Variants in TTI1 observed in about 807,000 individuals in gnomAD.
TTI1 encodes TELO2 interacting protein 1, also known as TELO2-interacting protein 1 homolog.
Under a neutral mutation model 85.4 loss-of-function variants are expected in TTI1, and 52 were observed. The observed-to-expected ratio is 0.61, with a 90% CI of 0.49 to 0.77. The LOEUF is 0.77. Among genes scored for constraint, TTI1 ranks in the 30% least tolerant of loss-of-function variants. The pLI is 0.00. For synonymous variants in TTI1, 512 were observed against 503.9 expected (o/e 1.02, Z -0.22); for missense variants, 1,173 against 1,296.0 (o/e 0.91, Z 1.46).
chr20:37,996,823 G>A lies in TTI1; in HGVS notation c.2924C>T (p.Ser975Leu), dbSNP rs150253333. Residue 975 changes from serine to leucine, a missense_variant, in exon 6 of 8, where the codon TCG becomes TTG. By Grantham distance (145) the Ser-to-Leu change is moderately radical. Coordinates refer to ENST00000373447, the MANE Select transcript of TTI1 (RefSeq NM_001303457.2). ...CTGCAACTTGAAGGCCAGCGTGTGC[G>A]AGTAAACTGGTCCAGCCCTGGCACT... Reference protein sequence around the residue: ...PISARAGPVYSHTLAFKLQLA... With the variant: ...PISARAGPVYLHTLAFKLQLA... 137 of 1,613,972 alleles carry A rather than the reference G, an allele frequency of 8.5e-5. No individual in the cohort carries two copies. Among genetic ancestry groups the A allele is most frequent in the Admixed American group, 1.5e-4 (9 of 59,996 alleles).
chr20:38,000,873 T>C (rs1369223634), intron 4 of TTI1, among the ~76,000 whole-genome samples: 4 of 152,192 alleles, frequency 2.6e-5, no homozygotes, highest in Non-Finnish European at 5.9e-5. Flanking sequence ...GCTGCCTCCT[T>C]CTCAGCCTTG....
chr20:38,007,251 C>T (rs915901923), intron 2 of TTI1, among the ~76,000 whole-genome samples: 1 of 152,242 alleles, frequency 6.6e-6, no homozygotes, highest in African/African-American at 2.4e-5. Context: ...GATGGTCTCA[C>T]CTTGTATTTC....
At chr20:38,024,501 TG>T (rs1378291841) in intron 1 of TTI1, among the ~76,000 whole-genome samples, 1 of 152,098 alleles carries the variant, frequency 6.6e-6, no homozygotes, top group Non-Finnish European at 1.5e-5. Flanking sequence ...ACCCAAGCCC[TG>T]GAGCTGAAGA....
At chr20:38,006,030 G>T in intron 3 of TTI1, 167 bp downstream of exon 3, 1 of 824,808 alleles carries the variant, frequency 1.2e-6, no homozygotes. Context: ...TTTTGTAACA[G>T]AAAAGAATGG....
intron 1 of TTI1, among the ~76,000 whole-genome samples, chr20:38,030,362 T>G (rs992735849): frequency 1.3e-5 from 2 of 151,932 alleles, no homozygotes; most frequent in Non-Finnish European, 2.9e-5. Context: ...CACATACTCT[T>G]CTAGAAAAAG....
intron 7 of TTI1, chr20:37,987,194 A>G (rs1240865526): frequency 8.8e-6 from 4 of 456,740 alleles, no homozygotes; most frequent in East Asian, 6.9e-5. Flanking sequence ...CTTTGTTCCA[A>G]ACTCTGGTGT....
At chr20:38,004,021 T>C (rs926109056) in intron 3 of TTI1, among the ~76,000 whole-genome samples, 11 of 152,076 alleles carry the variant, frequency 7.2e-5, no homozygotes, top group Admixed American at 3.9e-4. Flanking sequence ...TTAGAGGAGG[T>C]TGGACCAAGT....
Position 38,029,197 on chromosome 20 carries a change from T to C in TTI1, c.-42+4207A>G, listed in dbSNP as rs571430483. On this transcript the variant is annotated intron_variant, in intron 1 of 7. Coordinates refer to ENST00000373447, the MANE Select transcript of TTI1 (RefSeq NM_001303457.2). ...ATACTTGGAAACTAAACAACATGTT[T>C]CTAAATAATCCACGGAACAGAGAGG... is the stretch of plus-strand genomic sequence containing the variant. Among the ~76,000 whole-genome samples the C allele has an allele frequency of 7.2e-5, 11 of 152,076 alleles. No homozygotes were observed. In the East Asian group the frequency reaches 2.1e-3, roughly 29 times the overall value.
chr20:38,001,782 G>A lies in TTI1; in HGVS notation c.2652+846C>T, dbSNP rs574306133. ...TACTCAGGCTGGAGTGCAATGGCAC[G>A]ATCTTGGCTCACCACAACCTCTGCC... On this transcript the variant is annotated intron_variant, in intron 4 of 7. Coordinates refer to ENST00000373447, the MANE Select transcript of TTI1 (RefSeq NM_001303457.2). Among the ~76,000 whole-genome samples, 154 of 152,026 alleles carry A rather than the reference G, an allele frequency of 1.0e-3. 1 individual carries two copies. The highest frequency in any genetic ancestry group is 3.5e-3 in the African/African-American group (145 of 41,444).
intron 1 of TTI1, among the ~76,000 whole-genome samples, chr20:38,025,616 C>T (rs775594688): frequency 6.6e-5 from 10 of 151,038 alleles, no homozygotes; most frequent in Admixed American, 1.3e-4. Flanking sequence ...CATGTCAACA[C>T]CAAGATGACA....
At chr20:37,989,295 T>C (rs1418742312) in intron 7 of TTI1, among the ~76,000 whole-genome samples, 1 of 152,154 alleles carries the variant, frequency 6.6e-6, no homozygotes, top group Non-Finnish European at 1.5e-5. Flanking sequence ...CAGAGACCCA[T>C]ATCAAAAATA....
Position 38,006,400 on chromosome 20 carries a change from G to A in TTI1, c.2303-3C>T, listed in dbSNP as rs758461723. 6.2e-7 allele frequency: 1 copy of A among 1,613,948 alleles called. No homozygotes were observed. The highest frequency in any genetic ancestry group is 1.3e-5 in the African/African-American group (1 of 74,910). On this transcript the variant is annotated splice_region_variant and splice_polypyrimidine_tract_variant and intron_variant, in intron 2 of 7. Coordinates refer to ENST00000373447, the MANE Select transcript of TTI1 (RefSeq NM_001303457.2). ...ACCTGTGTCTGGGAACCACTGGGCT[G>A]TAAATAAAGTGTTACAATGATCACC...
intron 7 of TTI1, among the ~76,000 whole-genome samples, chr20:37,987,645 T>C (rs1194379821): frequency 6.6e-6 from 1 of 152,244 alleles, no homozygotes; most frequent in Non-Finnish European, 1.5e-5. Flanking sequence ...CAATAACCTG[T>C]AAGGCCGTGT....
chr20:37,990,694 T>C (rs1297348390), intron 7 of TTI1, among the ~76,000 whole-genome samples: 2 of 152,196 alleles, frequency 1.3e-5, no homozygotes, highest in African/African-American at 2.4e-5. Flanking sequence ...GCCTGCAGAA[T>C]GAGGAAATGA....
intron 1 of TTI1, among the ~76,000 whole-genome samples, chr20:38,031,043 A>G (rs1435262230): frequency 2.0e-5 from 3 of 152,172 alleles, no homozygotes; most frequent in Non-Finnish European, 4.4e-5. Flanking sequence ...CTCTTCCTCT[A>G]AAATATCCCC....
In TTI1 at chr20:38,011,969, A is replaced by G; in HGVS notation, c.1848T>C (p.Thr616=). The G allele has an allele frequency of 2.5e-6, 4 of 1,614,250 alleles. No individual in the cohort carries two copies. Among genetic ancestry groups the G allele is most frequent in the Non-Finnish European group, 3.4e-6 (4 of 1,180,056 alleles). Residue 616 remains threonine, a synonymous_variant, in exon 2 of 8, where the codon ACT becomes ACC. Coordinates refer to ENST00000373447, the MANE Select transcript of TTI1 (RefSeq NM_001303457.2). ...SFLAFSKPSP[T]ICSMNSNIWQ... ...AGATGTTACTGTTCATGGAGCAAAT[A>G]GTGGGACTTGGCTTTGAGAAGGCTA...
In TTI1 at chr20:38,012,526, CT is replaced by C; in HGVS notation, c.1290del (p.Ala431HisfsTer6). On this transcript the variant is annotated frameshift_variant, in exon 2 of 8. Transcript: ENST00000373447. LOFTEE classifies it high-confidence loss of function. ...TCTAGCTCTAGAACTTGGATGAGTGCTTTGGAAAGCCGCTGGAGATGGGCCA... is the reference window on the plus strand; with the variant it reads ...TCTAGCTCTAGAACTTGGATGAGTGCTTGGAAAGCCGCTGGAGATGGGCCA... ...NSVAHLQRLS[K>X]ALIQVLELDV... 2 of 1,614,128 alleles carry C rather than the reference CT, an allele frequency of 1.2e-6. No homozygotes were observed. Among genetic ancestry groups the C allele is most frequent in the Non-Finnish European group, 1.7e-6 (2 of 1,180,028 alleles).
At chr20:38,016,452 T>G (rs1438811944) in intron 1 of TTI1, among the ~76,000 whole-genome samples, 1 of 152,216 alleles carries the variant, frequency 6.6e-6, no homozygotes, top group Non-Finnish European at 1.5e-5. Flanking sequence ...TGGTGGTTCC[T>G]AAACTACATT....
intron 1 of TTI1, among the ~76,000 whole-genome samples, chr20:38,017,425 T>TGA (rs1391278893): frequency 7.3e-5 from 11 of 151,510 alleles, no homozygotes; most frequent in African/African-American, 2.7e-4. Context: ...TGTGTGTGTG[T>TGA]GTGTGTGTGT....
Sources: allele counts gnomAD v4.1 joint callset (sites outside exome capture counted in the v4.1 genomes callset), GRCh38; gene constraint gnomAD v4.1.1; transcripts MANE v1.5; gene names NCBI Gene and HGNC (gene_info 2026-07-23, HGNC 2026-07-21).